The following SNX29 variants were observed in gnomAD, a reference collection of about 807,000 sequenced individuals.
SNX29 encodes the protein sorting nexin 29.
Under a neutral mutation model 102.1 loss-of-function variants are expected in SNX29, and 78 were observed. That is an observed-to-expected ratio of 0.76 (90% CI 0.64 to 0.92). The LOEUF is 0.92. Ranked by LOEUF, SNX29 falls within the 40% of genes least tolerant of loss-of-function variation. The pLI, the probability that SNX29 is intolerant of heterozygous loss-of-function variation, is 0.00. For synonymous variants in SNX29, 580 were observed against 414.5 expected, an observed-to-expected ratio of 1.40 and a Z score of -4.85; for missense variants, 1,280 against 1,061.7, an observed-to-expected ratio of 1.21 and a Z score of -2.86.
chr16:12,255,412 A>G (rs2078542618), intron 14 of SNX29, among the ~76,000 whole-genome samples: 1 of 152,008 alleles, frequency 6.6e-6, no homozygotes, highest in African/African-American at 2.4e-5. Flanking sequence ...GGCTAGTGTG[A>G]GCCACTTTGT....
intron 1 of SNX29, among the ~76,000 whole-genome samples, chr16:11,995,964 G>A (rs2056056546): frequency 6.6e-6 from 1 of 152,056 alleles, no homozygotes; most frequent in East Asian, 1.9e-4. Flanking sequence ...GGAGGCTGAG[G>A]CAGGAGAATT....
chr16:12,354,627 C>T (rs139449620), intron 15 of SNX29, among the ~76,000 whole-genome samples: 19 of 152,154 alleles, frequency 1.2e-4, no homozygotes, highest in South Asian at 4.1e-4. Flanking sequence ...GCAGTAATAT[C>T]GGCAGCTGTG....
At position 12,571,900 on chromosome 16, in the gene SNX29, G is replaced by A. The variant is rs1338799370; in HGVS notation, c.*3271G>A. 1.1e-5 allele frequency: 12 copies of A among 1,061,906 alleles called. No individual in the cohort carries two copies. The highest frequency in any genetic ancestry group is 1.3e-5 in the Non-Finnish European group (11 of 877,102). The allele number at this position is 1,061,906 out of a possible 1,614,324, so 65.8% of individuals were successfully genotyped here. On this transcript the variant is annotated 3_prime_UTR_variant, in exon 21 of 21. Coordinates refer to ENST00000566228, the MANE Select transcript of SNX29 (RefSeq NM_032167.5). ...TTGGAGCTGAGGTTCAAAGCCCCCT[G>A]CATTTCTCTACTGGCAGGCCCTGGT...
At chr16:12,404,522 T>C (rs551445312) in intron 18 of SNX29, among the ~76,000 whole-genome samples, 15 of 152,302 alleles carry the variant, frequency 9.8e-5, no homozygotes, top group Admixed American at 8.5e-4. Flanking sequence ...TCCTGTCTGC[T>C]TGTGCTAAAA....
rs404827 is a variant in SNX29 at position 11,982,921 on chromosome 16, A to C, written c.7+6108A>C. 2.1e-3 allele frequency among the ~76,000 whole-genome samples: 322 copies of C among 151,702 alleles called. 3 individuals carry two copies. Among genetic ancestry groups the C allele is most frequent in the African/African-American group, 7.6e-3 (314 of 41,338 alleles). Reference sequence around the variant, plus strand: ...TTTTGGCAGCTTTTTATTAAAAAAAATTTTTTTTAATTAACGAATATTTTT... The same window carrying C: ...TTTTGGCAGCTTTTTATTAAAAAAACTTTTTTTTAATTAACGAATATTTTT... On this transcript the variant is annotated intron_variant, in intron 1 of 20. Coordinates refer to ENST00000566228, the MANE Select transcript of SNX29 (RefSeq NM_032167.5).
intron 11 of SNX29, among the ~76,000 whole-genome samples, chr16:12,114,712 G>T (rs972755203): frequency 6.6e-6 from 1 of 151,800 alleles, no homozygotes; most frequent in Non-Finnish European, 1.5e-5. Context: ...TCAGCCTCCC[G>T]AGTAGCTGGG....
At chr16:12,428,289 A>T (rs59179276) in intron 18 of SNX29, among the ~76,000 whole-genome samples, 6,024 of 152,280 alleles carry the variant, frequency 0.04, 303 homozygotes, top group East Asian at 0.29. Flanking sequence ...AACAGAGACA[A>T]TTTGGACATT....
chr16:12,286,278 GT>G (rs1210586368), intron 15 of SNX29, among the ~76,000 whole-genome samples: 4 of 151,716 alleles, frequency 2.6e-5, no homozygotes, highest in Admixed American at 1.3e-4. Flanking sequence ...AGAAGTTATA[GT>G]TTCTAGCAGG....
At chr16:12,406,039 AG>A (rs755722342) in intron 18 of SNX29, among the ~76,000 whole-genome samples, 139 of 151,670 alleles carry the variant, frequency 9.2e-4, no homozygotes, top group Non-Finnish European at 1.5e-3. Context: ...CCTCAAAAAA[AG>A]AAAACAAGTA....
intron 3 of SNX29, among the ~76,000 whole-genome samples, chr16:12,006,618 T>C (rs2056462965): frequency 6.6e-6 from 1 of 151,954 alleles, no homozygotes; most frequent in African/African-American, 2.4e-5. Context: ...AGCAGAAGTA[T>C]TACCCTTTCT....
At chr16:12,466,632 C>T (rs1031823495) in intron 18 of SNX29, among the ~76,000 whole-genome samples, 35 of 152,288 alleles carry the variant, frequency 2.3e-4, no homozygotes, top group Non-Finnish European at 8.8e-5. Context: ...CAGCTTCCTA[C>T]CTCACCATGA....
chr16:12,256,624 G>A (rs1388601278), intron 14 of SNX29, among the ~76,000 whole-genome samples: 5 of 152,166 alleles, frequency 3.3e-5, no homozygotes, highest in Non-Finnish European at 7.3e-5. Flanking sequence ...ACTGCGCCCG[G>A]CCTCCTGAGA....
intron 1 of SNX29, among the ~76,000 whole-genome samples, chr16:11,978,788 G>A (rs1197875661): frequency 1.3e-5 from 2 of 152,018 alleles, no homozygotes; most frequent in Non-Finnish European, 2.9e-5. Context: ...TGAAAACTCT[G>A]GTGGCACGCG....
intron 20 of SNX29, among the ~76,000 whole-genome samples, chr16:12,562,943 G>A (rs557104416): frequency 7.2e-5 from 11 of 152,202 alleles, no homozygotes; most frequent in African/African-American, 1.4e-4. Context: ...TGCATAGTAA[G>A]AAGCAAACAT....
intron 16 of SNX29, among the ~76,000 whole-genome samples, chr16:12,365,724 T>A (rs1381359285): frequency 7.1e-6 from 1 of 141,764 alleles, no homozygotes; most frequent in African/African-American, 2.6e-5. Flanking sequence ...AAACTTGTAA[T>A]CTAGAGAAGG....
chr16:12,077,773 A>C (rs2051651440), intron 10 of SNX29, among the ~76,000 whole-genome samples: 1 of 152,080 alleles, frequency 6.6e-6, no homozygotes, highest in African/African-American at 2.4e-5. Context: ...GGCATGTGCT[A>C]CCACACCCAG....
intron 15 of SNX29, among the ~76,000 whole-genome samples, chr16:12,336,303 C>A (rs1320217345): frequency 6.6e-6 from 1 of 152,126 alleles, no homozygotes; most frequent in Non-Finnish European, 1.5e-5. Flanking sequence ...CAGCATCCTG[C>A]GTTGACACAG....
chr16:12,117,669 A>G (rs2053790566), intron 11 of SNX29, among the ~76,000 whole-genome samples: 1 of 152,260 alleles, frequency 6.6e-6, no homozygotes, highest in East Asian at 1.9e-4. Flanking sequence ...TTGGCGTGGT[A>G]GAAACGTTCT....
chr16:12,043,097 A>G lies in SNX29; in HGVS notation c.428+20A>G, dbSNP rs1703492. The G allele has an allele frequency of 2.4e-5, 39 of 1,610,840 alleles. No individual in the cohort carries two copies. The Admixed American group carries it at 5.4e-4, about 22-fold the overall frequency. On this transcript the variant is annotated intron_variant, in intron 5 of 20. Transcript: ENST00000566228. ...GCTGAGGTACGTGGCCGGGATGCGA[A>G]CTGGGATGGGATGGAGCAAGAGGTG...
Sources: gnomAD v4.1 joint callset for allele counts (sites outside exome capture counted in the v4.1 genomes callset) on GRCh38, gnomAD v4.1.1 for gene constraint, MANE v1.5 for transcripts, NCBI Gene and HGNC (gene_info 2026-07-23, HGNC 2026-07-21) for gene names.